CDC73: variants seen among roughly 807,000 people sequenced by gnomAD.
CDC73 encodes parafibromin.
In CDC73, 21 loss-of-function variants were observed where a neutral mutation model predicts 83.7. The observed-to-expected ratio is 0.25, with a 90% CI of 0.18 to 0.36. The LOEUF (loss-of-function observed/expected upper bound fraction) is 0.36, where lower values mean the gene tolerates loss of function less well. CDC73 is among the 10% of genes least tolerant of loss of function. The pLI, the probability that CDC73 is intolerant of heterozygous loss-of-function variation, is 1.00. For synonymous variants in CDC73, 224 were observed against 212.9 expected, an observed-to-expected ratio of 1.05 and a Z score of -0.45; for missense variants, 342 against 653.3, an observed-to-expected ratio of 0.52 and a Z score of 5.19.
At chr1:193,131,332 A>C (rs1001727716) in intron 3 of CDC73, among the ~76,000 whole-genome samples, 4 of 152,166 alleles carry the variant, frequency 2.6e-5, no homozygotes, top group Non-Finnish European at 5.9e-5. Flanking sequence ...GTCACATCTC[A>C]CATCCATTCT....
intron 13 of CDC73, among the ~76,000 whole-genome samples, chr1:193,220,379 G>A (rs1677447118): frequency 1.3e-5 from 2 of 151,706 alleles, no homozygotes. Context: ...GGTCAGGCTG[G>A]TCTCAAACTC....
At chr1:193,239,986 C>T (rs1677829616) in intron 15 of CDC73, among the ~76,000 whole-genome samples, 1 of 152,000 alleles carries the variant, frequency 6.6e-6, no homozygotes, top group Admixed American at 6.6e-5. Flanking sequence ...CACCTTTCAT[C>T]CCTCTCCTTC....
chr1:193,170,496 C>G (rs547147534), intron 10 of CDC73, among the ~76,000 whole-genome samples: 1 of 152,186 alleles, frequency 6.6e-6, no homozygotes, highest in East Asian at 1.9e-4. Context: ...GAGATGGTAT[C>G]TTTACTGTGG....
intron 10 of CDC73, among the ~76,000 whole-genome samples, chr1:193,174,553 T>C (rs1676571614): frequency 6.6e-6 from 1 of 152,208 alleles, no homozygotes; most frequent in African/African-American, 2.4e-5. Flanking sequence ...GTGGTAATTG[T>C]AATTCATTAT....
intron 9 of CDC73, among the ~76,000 whole-genome samples, chr1:193,151,868 A>C (rs1279410479): frequency 6.6e-6 from 1 of 152,076 alleles, no homozygotes; most frequent in Non-Finnish European, 1.5e-5. Flanking sequence ...GGATGGGAGA[A>C]GAGGTTGCAG....
Position 193,141,946 on chromosome 1 carries a change from T to G in CDC73, c.609T>G (p.Asp203Glu). 6 of 1,613,842 alleles carry G rather than the reference T, an allele frequency of 3.7e-6. No individual in the cohort carries two copies. The highest frequency in any genetic ancestry group is 5.1e-6 in the Non-Finnish European group (6 of 1,179,792). Residue 203 changes from aspartate to glutamate, a missense_variant, in exon 7 of 17, where the codon GAT becomes GAG. By Grantham distance (45) the Asp-to-Glu change is conservative. Transcript: ENST00000367435. ...KRSTIKTDLD[D>E]DITALKQRSF... ...CTACTATCAAGACTGATCTAGATGA[T>G]GACATAACTGCCCTTAAACAGAGGA...
chr1:193,178,933 C>T (rs758722148), intron 10 of CDC73: 6 of 152,122 alleles, frequency 3.9e-5, no homozygotes, highest in Non-Finnish European at 8.8e-5. Flanking sequence ...GACAGATTTA[C>T]ATACTTGTAT....
chr1:193,212,418 T>A lies in CDC73; in HGVS notation c.1095T>A (p.Pro365=). The change falls in exon 13 of 17, where the codon CCT becomes CCA. Residue 365 remains proline, a synonymous_variant. Coordinates refer to ENST00000367435, the MANE Select transcript of CDC73 (RefSeq NM_024529.5). ...KGSRTPIIII[P]AATTSLITML... ...CTCGAACACCCATTATCATAATTCC[T>A]GCAGCTACCACCTCTTTAATAACCA... The A allele has an allele frequency of 6.2e-7, 1 of 1,607,590 alleles. No individual in the cohort carries two copies. The highest frequency in any genetic ancestry group is 8.5e-7 in the Non-Finnish European group (1 of 1,176,002).
intron 10 of CDC73, among the ~76,000 whole-genome samples, chr1:193,193,766 G>GCTAT (rs10626649): frequency 6.7e-6 from 1 of 148,656 alleles, no homozygotes; most frequent in Non-Finnish European, 1.5e-5. Context: ...GAACATTTCA[G>GCTAT]CTGTCTTACT....
intron 15 of CDC73, among the ~76,000 whole-genome samples, chr1:193,245,901 T>G (rs1163014863): frequency 6.6e-6 from 1 of 152,204 alleles, no homozygotes; most frequent in African/African-American, 2.4e-5. Flanking sequence ...TTGAGCATAT[T>G]TTAATATATT....
chr1:193,152,366 C>T lies in CDC73; in HGVS notation c.908-14C>T. Reference sequence around the variant, plus strand: ...TCTATAAAATCTTAACAATAAGCCTCTTTTTTTTCGTAGAAACGGAAGGCT... The same window carrying T: ...TCTATAAAATCTTAACAATAAGCCTTTTTTTTTTCGTAGAAACGGAAGGCT... On this transcript the variant is annotated splice_polypyrimidine_tract_variant and intron_variant, in intron 9 of 16. Coordinates refer to ENST00000367435, the MANE Select transcript of CDC73 (RefSeq NM_024529.5). 2 of 1,581,194 alleles carry T rather than the reference C, an allele frequency of 1.3e-6. No individual in the cohort carries two copies. The highest frequency in any genetic ancestry group is 1.1e-5 in the South Asian group (1 of 90,244).
rs951491994 is a variant in CDC73, at chr1:193,152,279, T to C, written c.908-101T>C. On this transcript the variant is annotated intron_variant, in intron 9 of 16. Transcript: ENST00000367435. The stretch of plus-strand genomic sequence containing the variant: ...GTAGATTCAAGGCTTTGTATATTAT[T>C]GAACCATCACATTCAATGTAGATTA... 7 of 764,128 alleles carry C rather than the reference T, an allele frequency of 9.2e-6. No homozygotes were observed. The African/African-American group carries it at 1.0e-4, about 11-fold the overall frequency. 47.3% of individuals were successfully genotyped at this position (764,128 alleles called of 1,614,324 possible).
intron 10 of CDC73, among the ~76,000 whole-genome samples, chr1:193,167,148 G>A (rs1676447755): frequency 6.6e-6 from 1 of 152,166 alleles, no homozygotes; most frequent in East Asian, 1.9e-4. Context: ...TAGTGTAGTA[G>A]AATTCTTAGA....
chr1:193,230,763 G>A (rs1164217158), intron 13 of CDC73, among the ~76,000 whole-genome samples: 1 of 151,986 alleles, frequency 6.6e-6, no homozygotes, highest in Admixed American at 6.6e-5. Context: ...ACTGCAGTAG[G>A]GTGAACAGGT....
At position 193,192,837 on chromosome 1, in the gene CDC73, C is replaced by G. The variant is rs78636712; in HGVS notation, c.973-10958C>G. 2.2e-4 allele frequency among the ~76,000 whole-genome samples: 34 copies of G among 152,320 alleles called. No homozygotes were observed. In the East Asian group the frequency reaches 3.3e-3, roughly 15 times the overall value. On this transcript the variant is annotated intron_variant, in intron 10 of 16. Coordinates refer to ENST00000367435, the MANE Select transcript of CDC73 (RefSeq NM_024529.5). Reference sequence around the variant, plus strand: ...GGTTAATTAATCTGGTCACCCTCCGCTGGAGAGAGCAGTCCTATGAATGAT... The same window carrying G: ...GGTTAATTAATCTGGTCACCCTCCGGTGGAGAGAGCAGTCCTATGAATGAT...
chr1:193,182,103 CAG>C (rs1676726963), intron 10 of CDC73, among the ~76,000 whole-genome samples: 2 of 152,104 alleles, frequency 1.3e-5, no homozygotes, highest in African/African-American at 4.8e-5. Context: ...GGTGCACAGT[CAG>C]AGGCCTTTTT....
chr1:193,152,251 A>G, intron 9 of CDC73, 129 bp from the exon 10 acceptor site: 3 of 655,020 alleles, frequency 4.6e-6, no homozygotes, highest in South Asian at 3.4e-5. Flanking sequence ...TTAATTTTAC[A>G]TAGTAGATTC....
chr1:193,249,453 A>G (rs1678008868), intron 15 of CDC73, among the ~76,000 whole-genome samples: 2 of 151,974 alleles, frequency 1.3e-5, no homozygotes, highest in Admixed American at 1.3e-4. Context: ...AACCCACAAT[A>G]TCTCCAAGGT....
At chr1:193,249,670 A>AT in intron 15 of CDC73, 60 bp from the exon 16 acceptor site, 3 of 1,377,908 alleles carry the variant, frequency 2.2e-6, no homozygotes, top group South Asian at 1.2e-5. Context: ...GAATAAAGAA[A>AT]TTTTTTTCTT....
Sources: allele counts gnomAD v4.1 joint callset (sites outside exome capture counted in the v4.1 genomes callset), GRCh38; gene constraint gnomAD v4.1.1; transcripts MANE v1.5; gene names NCBI Gene and HGNC (gene_info 2026-07-23, HGNC 2026-07-21).